GABRB3: variants seen among roughly 807,000 people sequenced by gnomAD.
The protein encoded by GABRB3 is gamma-aminobutyric acid type A receptor subunit beta3, also known as gamma-aminobutyric acid receptor subunit beta-3.
A neutral mutation model predicts 52.1 loss-of-function variants in GABRB3; 14 were observed. The observed-to-expected ratio is 0.27, with a 90% confidence interval of 0.18 to 0.42. The LOEUF is 0.42. Ranked by LOEUF, GABRB3 falls within the 10% of genes least tolerant of loss-of-function variation. The pLI is 1.00. For synonymous variants in GABRB3, 260 were observed against 232.3 expected (o/e 1.12, Z -1.08); for missense variants, 307 against 609.1 (o/e 0.50, Z 5.22).
At position 26,561,273 on chromosome 15, in the gene GABRB3, T is replaced by C. The variant is rs1889975555; in HGVS notation, c.836-97A>G. 8 of 1,558,830 alleles carry C rather than the reference T, an allele frequency of 5.1e-6. No homozygotes were observed. In the East Asian group the frequency reaches 1.8e-4, roughly 35 times the overall value. ...TGTTTTCTCAAACAGCTTTAAGTAG[T>C]CAGAGATAAGGGGTTGAATACTGTG... On this transcript the variant is annotated intron_variant, in intron 7 of 8. Transcript: ENST00000311550.
chr15:26,615,166 A>G, intron 4 of GABRB3: 1 of 500,964 alleles, frequency 2.0e-6, no homozygotes, highest in African/African-American at 2.1e-5. Flanking sequence ...CTTTTTACAA[A>G]TAGAAGAAAA....
chr15:26,634,521 C>A (rs906644012), intron 3 of GABRB3, among the ~76,000 whole-genome samples: 2 of 152,072 alleles, frequency 1.3e-5, no homozygotes, highest in South Asian at 4.1e-4. Context: ...CCACTGATGT[C>A]GCCATGGCAA....
intron 3 of GABRB3, among the ~76,000 whole-genome samples, chr15:26,665,811 A>T (rs973423075): frequency 6.6e-6 from 1 of 152,220 alleles, no homozygotes; most frequent in African/African-American, 2.4e-5. Flanking sequence ...GGTGCTAATG[A>T]GCTACTTCAT....
intron 4 of GABRB3, among the ~76,000 whole-genome samples, chr15:26,587,448 G>T (rs1891035922): frequency 6.6e-6 from 1 of 152,112 alleles, no homozygotes; most frequent in Non-Finnish European, 1.5e-5. Context: ...GTAGGGGTGG[G>T]GAGCAGAGCG....
Position 26,652,572 on chromosome 15 carries a change from A to AC in GABRB3, c.241-31039_241-31038insG, listed in dbSNP as rs1285166546. ...AAAACATAAATGTGTCCTTAATAAA[A>AC]ATATATTAAAAATATAAATATATAT... On this transcript the variant is annotated intron_variant, in intron 3 of 8. Coordinates refer to ENST00000311550, the MANE Select transcript of GABRB3 (RefSeq NM_000814.6). 2.6e-5 allele frequency among the ~76,000 whole-genome samples: 4 copies of AC among 152,222 alleles called. No individual in the cohort carries two copies. In the South Asian group the frequency reaches 8.3e-4, roughly 32 times the overall value.
rs763742665 is a variant in GABRB3 at position 26,590,853 on chromosome 15, C to A, written c.462-7439G>T. Among the ~76,000 whole-genome samples the A allele has an allele frequency of 2.2e-4, 34 of 152,310 alleles. 1 individual carries two copies. The highest frequency in any genetic ancestry group is 3.2e-4 in the Non-Finnish European group (22 of 68,030). On this transcript the variant is annotated intron_variant, in intron 4 of 8. Coordinates refer to ENST00000311550, the MANE Select transcript of GABRB3 (RefSeq NM_000814.6). ...CACCAAAGAGGAGCTGGCTGTTTGCCTGCCTCCTGAATGTGCGCCAACTTT... is the reference window on the plus strand; with the variant it reads ...CACCAAAGAGGAGCTGGCTGTTTGCATGCCTCCTGAATGTGCGCCAACTTT...
chr15:26,638,820 A>G (rs1828639450), intron 3 of GABRB3, among the ~76,000 whole-genome samples: 1 of 152,090 alleles, frequency 6.6e-6, no homozygotes. Flanking sequence ...AGAAAATTCT[A>G]TTTCCTGAAA....
chr15:26,560,318 C>T (rs1889931508), intron 8 of GABRB3, among the ~76,000 whole-genome samples: 1 of 152,224 alleles, frequency 6.6e-6, no homozygotes, highest in East Asian at 1.9e-4. Flanking sequence ...CTGTTACTCA[C>T]TTCTGTAAGT....
At chr15:26,611,253 T>C (rs914367725) in intron 4 of GABRB3, among the ~76,000 whole-genome samples, 8 of 152,198 alleles carry the variant, frequency 5.3e-5, no homozygotes, top group African/African-American at 1.9e-4. Flanking sequence ...GTGAACTTTT[T>C]GTGTAATTTA....
At chr15:26,684,664 T>A (rs932449481) in intron 3 of GABRB3, among the ~76,000 whole-genome samples, 4 of 151,996 alleles carry the variant, frequency 2.6e-5, no homozygotes, top group Non-Finnish European at 2.9e-5. Flanking sequence ...CTATTTCCGA[T>A]AGTGCTAGGT....
intron 4 of GABRB3, among the ~76,000 whole-genome samples, chr15:26,604,766 C>A (rs1189934197): frequency 6.6e-6 from 1 of 151,956 alleles, no homozygotes; most frequent in Non-Finnish European, 1.5e-5. Context: ...AAAATCAAAT[C>A]AAAATGGATT....
intron 3 of GABRB3, among the ~76,000 whole-genome samples, chr15:26,732,490 G>A (rs1328711926): frequency 6.6e-6 from 1 of 152,140 alleles, no homozygotes; most frequent in African/African-American, 2.4e-5. Context: ...CATTTTGGGA[G>A]GCAGAGATGG....
chr15:26,627,356 A>C (rs899891388), intron 3 of GABRB3, among the ~76,000 whole-genome samples: 1 of 63,580 alleles, frequency 1.6e-5, no homozygotes, highest in African/African-American at 5.0e-5. Flanking sequence ...ATCAAGGAGA[A>C]ACTGACTTTC....
Position 26,580,568 on chromosome 15 carries a change from T to G in GABRB3, c.545-112A>C, listed in dbSNP as rs1025387642. 5 of 1,343,584 alleles carry G rather than the reference T, an allele frequency of 3.7e-6. No individual in the cohort carries two copies. In the Admixed American group the frequency reaches 8.4e-5, roughly 23 times the overall value. 83.2% of individuals were successfully genotyped at this position (1,343,584 alleles called of 1,614,324 possible). A position where few individuals can be genotyped will look rare whatever the true frequency, so the allele number is the denominator to read the frequency against. On this transcript the variant is annotated intron_variant, in intron 5 of 8. Transcript: ENST00000311550. ...CGGCTCTGCTATGTTTTGAGTAGAT[T>G]TGCTTAATGTGCTTGTCTAGGGGAA...
chr15:26,743,636 C>A (rs1890265888), intron 3 of GABRB3, among the ~76,000 whole-genome samples: 1 of 152,114 alleles, frequency 6.6e-6, no homozygotes, highest in South Asian at 2.1e-4. Flanking sequence ...AGGTGAACAT[C>A]ATTAGTTTTT....
chr15:26,620,048 C>T (rs1487378779), intron 4 of GABRB3, among the ~76,000 whole-genome samples: 1 of 152,148 alleles, frequency 6.6e-6, no homozygotes, highest in Non-Finnish European at 1.5e-5. Flanking sequence ...CCTCATTCTA[C>T]ATTCCCAGGA....
intron 3 of GABRB3, among the ~76,000 whole-genome samples, chr15:26,635,027 A>G (rs1461836137): frequency 7.3e-6 from 1 of 136,940 alleles, no homozygotes; most frequent in Non-Finnish European, 1.6e-5. Context: ...ATATATTTAG[A>G]GAGGAAGAGA....
At chr15:26,650,087 A>T (rs1030977780) in intron 3 of GABRB3, among the ~76,000 whole-genome samples, 5 of 152,048 alleles carry the variant, frequency 3.3e-5, no homozygotes, top group Admixed American at 6.5e-5. Context: ...GCCCAGCAAC[A>T]ATGAGCTTGG....
intron 8 of GABRB3, among the ~76,000 whole-genome samples, chr15:26,553,791 C>A (rs1018506025): frequency 4.6e-5 from 7 of 151,824 alleles, no homozygotes; most frequent in Non-Finnish European, 8.8e-5. Flanking sequence ...AAGGTCCTCA[C>A]CCTCAAGGGG....
Sources: allele counts gnomAD v4.1 joint callset (sites outside exome capture counted in the v4.1 genomes callset), GRCh38; gene constraint gnomAD v4.1.1; transcripts MANE v1.5; gene names NCBI Gene and HGNC (gene_info 2026-07-23, HGNC 2026-07-21).